The following DUSP16 variants were observed in gnomAD, a reference collection of about 807,000 sequenced individuals.
DUSP16 encodes dual specificity phosphatase 16, also known as dual specificity protein phosphatase 16.
A neutral mutation model predicts 58.3 loss-of-function variants in DUSP16; 21 were observed. That is an observed-to-expected ratio of 0.36 (90% CI 0.26 to 0.52). The LOEUF (loss-of-function observed/expected upper bound fraction) is 0.52. Among genes scored for constraint, DUSP16 ranks in the 20% least tolerant of loss-of-function variants. The probability of loss-of-function intolerance (pLI) is 0.94; values close to 1 mark genes in which losing one functional copy is unlikely to be tolerated. For synonymous variants in DUSP16, 320 were observed against 323.8 expected, an observed-to-expected ratio of 0.99 and a Z score of 0.12; for missense variants, 726 against 819.0, an observed-to-expected ratio of 0.89 and a Z score of 1.39.
Position 12,481,566 on chromosome 12 carries a change from AATAT to A in DUSP16, c.692-1224_692-1221del, listed in dbSNP as rs1390079131. 5.9e-5 allele frequency among the ~76,000 whole-genome samples: 9 copies of A among 152,322 alleles called. No homozygotes were observed. The East Asian group carries it at 1.7e-3, about 29-fold the overall frequency. On this transcript the variant is annotated intron_variant, in intron 5 of 6. Transcript: ENST00000298573. ...ATTCAATCTCACTGCCTATGCTATA[AATAT>A]AAGTTTCTAGTGTAATGATTATTAT... is the stretch of plus-strand genomic sequence containing the variant.
chr12:12,491,828 C>T (rs1229608138), intron 4 of DUSP16, among the ~76,000 whole-genome samples: 1 of 152,140 alleles, frequency 6.6e-6, no homozygotes, highest in Non-Finnish European at 1.5e-5. Flanking sequence ...TGCACCCTTC[C>T]ACTTTCCAGC....
intron 1 of DUSP16, among the ~76,000 whole-genome samples, chr12:12,540,912 A>G (rs1156553158): frequency 9.0e-5 from 13 of 144,540 alleles, no homozygotes; most frequent in Non-Finnish European, 1.5e-4. Flanking sequence ...TTTCTTCAGG[A>G]GGCAGACAGT....
chr12:12,509,205 G>A (rs1944040507), intron 3 of DUSP16, among the ~76,000 whole-genome samples: 1 of 152,206 alleles, frequency 6.6e-6, no homozygotes. Context: ...GTAGGTAGGA[G>A]AGCCAGAGTC....
intron 5 of DUSP16, among the ~76,000 whole-genome samples, chr12:12,486,385 G>C (rs1943682417): frequency 6.6e-6 from 1 of 152,118 alleles, no homozygotes; most frequent in Admixed American, 6.5e-5. Context: ...CCAGGGGCCA[G>C]AGAAGCTCCA....
At chr12:12,500,908 G>A (rs1220771716) in intron 3 of DUSP16, among the ~76,000 whole-genome samples, 4 of 152,098 alleles carry the variant, frequency 2.6e-5, no homozygotes, top group African/African-American at 9.7e-5. Flanking sequence ...CACTTATAAT[G>A]AATGACTCCT....
chr12:12,490,937 TAAC>T (rs1565986990), intron 4 of DUSP16, among the ~76,000 whole-genome samples: 3 of 152,214 alleles, frequency 2.0e-5, no homozygotes, highest in Non-Finnish European at 4.4e-5. Flanking sequence ...ATAATTATAA[TAAC>T]AAGTCCAGTG....
Position 12,477,015 on chromosome 12 carries a change from T to C in DUSP16, c.1816A>G (p.Arg606Gly). 1.2e-6 allele frequency: 2 copies of C among 1,614,254 alleles called. No individual in the cohort carries two copies. The highest frequency in any genetic ancestry group is 1.1e-5 in the South Asian group (1 of 91,084). ...SVRRRQKPSD[R>G]ADSRRSWHEE... ...TGCCAGCTCCGCCGCGAGTCAGCTC[T>C]GTCACTTGGCTTCTGCCGCCTGCGC... The change falls in exon 7 of 7, where the codon AGA (arginine) becomes GGA (glycine). Residue 606 changes from arginine to glycine, a missense_variant. By Grantham distance (125) the Arg-to-Gly change is moderately radical (BLOSUM62 -2). Transcript: ENST00000298573. This position sits in a 1 kb window ranked among gnomAD's most constrained non-coding sequence, Gnocchi z 4.1.
chr12:12,560,502 T>C (rs1255292185), intron 1 of DUSP16, among the ~76,000 whole-genome samples: 1 of 152,194 alleles, frequency 6.6e-6, no homozygotes, highest in Non-Finnish European at 1.5e-5. Context: ...AATGCAACTT[T>C]CCACATTGTC....
intron 2 of DUSP16, among the ~76,000 whole-genome samples, chr12:12,520,421 A>G (rs533339445): frequency 1.3e-5 from 2 of 152,226 alleles, no homozygotes; most frequent in Non-Finnish European, 2.9e-5. Context: ...TCCTCACCAC[A>G]CAGACAACAT....
rs1943453492 is a variant in DUSP16 at position 12,476,966 on chromosome 12, T to A, written c.1865A>T (p.Gln622Leu). 1 of 1,614,096 alleles carries A rather than the reference T, an allele frequency of 6.2e-7. No individual in the cohort carries two copies. The highest frequency in any genetic ancestry group is 8.5e-7 in the Non-Finnish European group (1 of 1,180,044). ...CATTTGGCAGCTTCTGCGTTTAAAC[T>A]GCTTTTCAAAGGGGCTCTCTTCATG... ...SWHEESPFEK[Q>L]FKRRSCQMEF... The change falls in exon 7 of 7, where the codon CAG (glutamine) becomes CTG (leucine). Residue 622 changes from glutamine to leucine, a missense_variant. By Grantham distance (113) the Gln-to-Leu change is moderately radical. Transcript: ENST00000298573.
chr12:12,500,716 A>G (rs1340515736), intron 3 of DUSP16, 34 bp from the exon 4 acceptor site: 1 of 1,490,310 alleles, frequency 6.7e-7, no homozygotes, highest in Non-Finnish European at 8.9e-7. Flanking sequence ...ATAAAAAATT[A>G]TGCCACGCAC....
intron 1 of DUSP16, among the ~76,000 whole-genome samples, chr12:12,551,645 T>A (rs891175760): frequency 6.6e-6 from 1 of 151,892 alleles, no homozygotes; most frequent in African/African-American, 2.4e-5. Flanking sequence ...TAATATTGTA[T>A]AATCAAATGT....
At chr12:12,533,181 G>T (rs1428918225) in intron 1 of DUSP16, among the ~76,000 whole-genome samples, 2 of 151,944 alleles carry the variant, frequency 1.3e-5, no homozygotes, top group Non-Finnish European at 2.9e-5. Context: ...AAGTTTATTT[G>T]GTATACAAAG....
Position 12,500,642 on chromosome 12 carries a change from A to G in DUSP16, c.408T>C (p.Cys136=). 6.2e-7 allele frequency: 1 copy of G among 1,606,798 alleles called. No individual in the cohort carries two copies. The highest frequency in any genetic ancestry group is 8.5e-7 in the Non-Finnish European group (1 of 1,177,014). ...TAGGGACTAGAGTGGATTTTCCTTCACAGAGGCCAGGGAAACAACGAGAGA... is the reference window on the plus strand; with the variant it reads ...TAGGGACTAGAGTGGATTTTCCTTCGCAGAGGCCAGGGAAACAACGAGAGA... ...AEFSRCFPGL[C]EGKSTLVPTC... is the part of the protein sequence containing the mutation. The change falls in exon 4 of 7, where the codon TGT becomes TGC. Residue 136 remains cysteine (C), a synonymous_variant. Coordinates refer to ENST00000298573, the MANE Select transcript of DUSP16 (RefSeq NM_030640.3).
intron 1 of DUSP16, among the ~76,000 whole-genome samples, chr12:12,543,052 C>T (rs910902813): frequency 6.6e-6 from 1 of 152,172 alleles, no homozygotes; most frequent in African/African-American, 2.4e-5. Context: ...GACTTTTAGC[C>T]TTCAGAACTA....
chr12:12,527,077 A>G (rs1944317715), intron 1 of DUSP16, among the ~76,000 whole-genome samples: 2 of 152,188 alleles, frequency 1.3e-5, no homozygotes, highest in East Asian at 3.8e-4. Flanking sequence ...GAGGAGAGGG[A>G]TTTAGTTTTA....
intron 1 of DUSP16, among the ~76,000 whole-genome samples, chr12:12,546,106 T>C (rs572914010): frequency 6.6e-6 from 1 of 152,302 alleles, no homozygotes; most frequent in Non-Finnish European, 1.5e-5. Context: ...AAATGGATAA[T>C]GAAAACATCT....
At position 12,511,566 on chromosome 12, in the gene DUSP16, G is replaced by A. The variant is rs78864754; in HGVS notation, c.367+8296C>T. ...CAAATCTTACTCCTCATCTTTCAAG[G>A]TTTGATTAAAATTCCACTGCCCTAA... On this transcript the variant is annotated intron_variant, in intron 3 of 6. Coordinates refer to ENST00000298573, the MANE Select transcript of DUSP16 (RefSeq NM_030640.3). 4.6e-5 allele frequency among the ~76,000 whole-genome samples: 7 copies of A among 152,038 alleles called. No homozygotes were observed. The East Asian group carries it at 1.2e-3, about 25-fold the overall frequency.
At chr12:12,535,869 G>A (rs1217598555) in intron 1 of DUSP16, among the ~76,000 whole-genome samples, 1 of 152,092 alleles carries the variant, frequency 6.6e-6, no homozygotes, top group Non-Finnish European at 1.5e-5. Context: ...AAAGACAGAG[G>A]GATAACAAAC....
Sources: allele counts gnomAD v4.1 joint callset (sites outside exome capture counted in the v4.1 genomes callset), GRCh38; gene constraint gnomAD v4.1.1; non-coding constraint Gnocchi (gnomAD v3.1); transcripts MANE v1.5; gene names NCBI Gene and HGNC (gene_info 2026-07-23, HGNC 2026-07-21).